Variants in MTRF1 observed in about 807,000 individuals in gnomAD.
The protein encoded by MTRF1 is mitochondrial translation release factor 1, also known as peptide chain release factor 1, mitochondrial.
Under a neutral mutation model 62.9 loss-of-function variants are expected in MTRF1, and 51 were observed. The observed-to-expected ratio is 0.81, with a 90% CI of 0.65 to 1.02. The LOEUF (loss-of-function observed/expected upper bound fraction) is 1.02, where lower values mean the gene tolerates loss of function less well. Ranked by LOEUF, MTRF1 falls within the 50% of genes least tolerant of loss-of-function variation. MTRF1 has a pLI of 0.00. For synonymous variants in MTRF1, 158 were observed against 181.9 expected, an observed-to-expected ratio of 0.87 and a Z score of 1.06; for missense variants, 446 against 530.0, an observed-to-expected ratio of 0.84 and a Z score of 1.56.
intron 6 of MTRF1, among the ~76,000 whole-genome samples, chr13:41,240,032 G>A (rs552440135): frequency 6.1e-4 from 93 of 152,202 alleles, no homozygotes; most frequent in Admixed American, 2.2e-3. Context: ...GCATGGTGGC[G>A]TGTACCTGTA....
the MTRF1 span, among the ~76,000 whole-genome samples, chr13:41,310,122 C>G: frequency 1.3e-5 from 2 of 152,180 alleles, no homozygotes; most frequent in African/African-American, 4.8e-5. Flanking sequence ...TATAAATAAA[C>G]TTATGTACCT....
In MTRF1 at chr13:41,233,442, G is replaced by C. The variant is rs573269707; in HGVS notation, c.988+448C>G. 5.3e-5 allele frequency among the ~76,000 whole-genome samples: 8 copies of C among 152,228 alleles called. No individual in the cohort carries two copies. The South Asian group carries it at 1.5e-3, about 28-fold the overall frequency. ...AAAATTTTAATTTGAAAAACGGTAGGAATATTTAAAATCACATTACGGACA... is the reference window on the plus strand; with the variant it reads ...AAAATTTTAATTTGAAAAACGGTAGCAATATTTAAAATCACATTACGGACA... On this transcript the variant is annotated intron_variant, in intron 7 of 9. Coordinates refer to ENST00000379480, the MANE Select transcript of MTRF1 (RefSeq NM_004294.4).
chr13:41,220,687 TTCTG>T (rs767518440), intron 9 of MTRF1: 56 of 902,234 alleles, frequency 6.2e-5, no homozygotes, highest in Non-Finnish European at 7.3e-5. Context: ...TCAGGGTTCT[TTCTG>T]TCTATTTCTC....
At chr13:41,243,854 A>ATTCC (rs1168518583) in intron 5 of MTRF1, among the ~76,000 whole-genome samples, 2 of 152,216 alleles carry the variant, frequency 1.3e-5, no homozygotes, top group African/African-American at 2.4e-5. Flanking sequence ...CAGAATACTA[A>ATTCC]TACTAGTTCT....
At chr13:41,228,397 G>A (rs1241646807) in intron 7 of MTRF1, among the ~76,000 whole-genome samples, 4 of 151,942 alleles carry the variant, frequency 2.6e-5, no homozygotes, top group Non-Finnish European at 4.4e-5. Flanking sequence ...GCAAGATTTC[G>A]TCTCTACTAA....
In MTRF1 at chr13:41,230,414, G is replaced by A. The variant is rs1048541225; in HGVS notation, c.988+3476C>T. ...CGAGGAGCTGGGATTACATGCATGCGCCACCAGGCCCAGCTAATTTTGTAT... is the reference window on the plus strand; with the variant it reads ...CGAGGAGCTGGGATTACATGCATGCACCACCAGGCCCAGCTAATTTTGTAT... On this transcript the variant is annotated intron_variant, in intron 7 of 9. Coordinates refer to ENST00000379480, the MANE Select transcript of MTRF1 (RefSeq NM_004294.4). Among the ~76,000 whole-genome samples, 22 of 150,994 alleles carry A rather than the reference G, an allele frequency of 1.5e-4. 1 individual carries two copies. Among genetic ancestry groups the A allele is most frequent in the Admixed American group, 1.1e-3 (17 of 15,130 alleles).
intron 6 of MTRF1, among the ~76,000 whole-genome samples, chr13:41,239,977 A>G (rs1481826614): frequency 6.6e-6 from 1 of 152,154 alleles, no homozygotes; most frequent in Non-Finnish European, 1.5e-5. Context: ...TCTGGCCAAC[A>G]TGGTGAAAAC....
At chr13:41,251,262 T>A (rs1446299481) in intron 5 of MTRF1, among the ~76,000 whole-genome samples, 1 of 152,190 alleles carries the variant, frequency 6.6e-6, no homozygotes, top group African/African-American at 2.4e-5. Flanking sequence ...TGGATTACTC[T>A]AATAACCTCT....
At chr13:41,220,655 A>G in intron 9 of MTRF1, 1 of 1,203,316 alleles carries the variant, frequency 8.3e-7, no homozygotes, top group African/African-American at 1.6e-5. Context: ...TTGGGAATAA[A>G]TAAATGTAGG....
the MTRF1 span, among the ~76,000 whole-genome samples, chr13:41,305,525 T>C: frequency 2.0e-5 from 3 of 152,226 alleles, no homozygotes; most frequent in Non-Finnish European, 4.4e-5. Flanking sequence ...TTTTCAACTG[T>C]ACTGCATACC....
chr13:41,273,284 C>T, the MTRF1 span, among the ~76,000 whole-genome samples: 2 of 151,414 alleles, frequency 1.3e-5, no homozygotes, highest in Non-Finnish European at 2.9e-5. Context: ...CGAGATCGCG[C>T]CACTGCACTC....
chr13:41,259,712 A>AAAAAAAC (rs1555268025), intron 2 of MTRF1, among the ~76,000 whole-genome samples: 27 of 136,756 alleles, frequency 2.0e-4, no homozygotes, highest in Admixed American at 5.1e-4. Context: ...AAAAAAAAAA[A>AAAAAAAC]AAAAAAAAAC....
At chr13:41,302,110 TCC>T in the MTRF1 span, among the ~76,000 whole-genome samples, 1 of 152,088 alleles carries the variant, frequency 6.6e-6, no homozygotes, top group Non-Finnish European at 1.5e-5. Context: ...CATTGCAATC[TCC>T]CTCTCCTGGG....
intron 7 of MTRF1, among the ~76,000 whole-genome samples, chr13:41,227,501 G>A (rs2034659992): frequency 6.6e-6 from 1 of 152,078 alleles, no homozygotes; most frequent in African/African-American, 2.4e-5. Flanking sequence ...TTCTGCATTT[G>A]GGTGGGTTTG....
chr13:41,241,926 T>C (rs574415927), intron 5 of MTRF1, among the ~76,000 whole-genome samples: 4 of 152,264 alleles, frequency 2.6e-5, no homozygotes, highest in Non-Finnish European at 5.9e-5. Context: ...TGACAGGCTT[T>C]GACACTGAAT....
intron 8 of MTRF1, 44 bp from the exon 9 acceptor site, chr13:41,223,398 G>A: frequency 6.7e-7 from 1 of 1,486,476 alleles, no homozygotes; most frequent in Non-Finnish European, 9.4e-7. Flanking sequence ...CTTTATAAAT[G>A]TCTTCATTAC....
chr13:41,260,487 A>G lies in MTRF1; in HGVS notation c.415+6T>C, dbSNP rs1374597759. ...TATGCAGGACACATAAGTATCTTTTACCTACTTTTACACATTGATTCTAAT... is the reference window on the plus strand; with the variant it reads ...TATGCAGGACACATAAGTATCTTTTGCCTACTTTTACACATTGATTCTAAT... On this transcript the variant is annotated splice_donor_region_variant and intron_variant, in intron 2 of 9. Transcript: ENST00000379480. 2 of 1,607,022 alleles carry G rather than the reference A, an allele frequency of 1.2e-6. No homozygotes were observed. The highest frequency in any genetic ancestry group is 8.5e-7 in the Non-Finnish European group (1 of 1,175,814).
chr13:41,270,049 C>T, the MTRF1 span, among the ~76,000 whole-genome samples: 1 of 152,178 alleles, frequency 6.6e-6, no homozygotes, highest in Admixed American at 6.5e-5. Context: ...TAGCTATTTC[C>T]ATTAAACCAA....
chr13:41,233,483 A>T (rs575779676), intron 7 of MTRF1, among the ~76,000 whole-genome samples: 1 of 152,352 alleles, frequency 6.6e-6, no homozygotes, highest in East Asian at 1.9e-4. Context: ...ACTACCTCAG[A>T]GTATACCAAA....
Sources: allele counts gnomAD v4.1 joint callset (sites outside exome capture counted in the v4.1 genomes callset), GRCh38; gene constraint gnomAD v4.1.1; transcripts MANE v1.5; gene names NCBI Gene and HGNC (gene_info 2026-07-23, HGNC 2026-07-21).